CDH12: variants seen among roughly 807,000 people sequenced by gnomAD.
CDH12 encodes cadherin 12, also known as cadherin-12.
A neutral mutation model predicts 74.1 loss-of-function variants in CDH12; 41 were observed. The observed-to-expected ratio is 0.55, with a 90% confidence interval of 0.43 to 0.72. The LOEUF is 0.72. Among genes scored for constraint, CDH12 ranks in the 30% least tolerant of loss-of-function variants. The probability of loss-of-function intolerance (pLI) is 0.00; values close to 1 mark genes in which losing one functional copy is unlikely to be tolerated. For synonymous variants in CDH12, 399 were observed against 355.0 expected, an observed-to-expected ratio of 1.12 and a Z score of -1.39; for missense variants, 945 against 977.2, an observed-to-expected ratio of 0.97 and a Z score of 0.44.
At chr5:22,346,913 A>C (rs1357980517) in intron 3 of CDH12, among the ~76,000 whole-genome samples, 2 of 152,202 alleles carry the variant, frequency 1.3e-5, no homozygotes, top group Non-Finnish European at 2.9e-5. Flanking sequence ...AAAAACCTAG[A>C]AGTGTTGAAG....
intron 5 of CDH12, among the ~76,000 whole-genome samples, chr5:22,048,317 A>G (rs1179822841): frequency 6.6e-6 from 1 of 152,198 alleles, no homozygotes; most frequent in African/African-American, 2.4e-5. Flanking sequence ...TTCAAAAGAA[A>G]TTGAGATAGA....
chr5:22,177,068 A>G (rs1414681742), intron 4 of CDH12, among the ~76,000 whole-genome samples: 1 of 152,138 alleles, frequency 6.6e-6, no homozygotes, highest in African/African-American at 2.4e-5. Flanking sequence ...CTGACATAAT[A>G]CGTATTTGTT....
chr5:21,891,612 C>T (rs1476366592), intron 6 of CDH12, among the ~76,000 whole-genome samples: 1 of 150,564 alleles, frequency 6.6e-6, no homozygotes, highest in South Asian at 2.1e-4. Context: ...CTCTTTCTGG[C>T]AATGTTTCTT....
intron 3 of CDH12, among the ~76,000 whole-genome samples, chr5:22,343,323 C>CACAGAGAGAGAG (rs1378956871): frequency 2.2e-5 from 3 of 136,260 alleles, no homozygotes; most frequent in African/African-American, 8.7e-5. Flanking sequence ...GACACACACA[C>CACAGAGAGAGAG]AGAGAGAGAG....
intron 1 of CDH12, among the ~76,000 whole-genome samples, chr5:22,710,125 T>C (rs1200309089): frequency 1.3e-5 from 2 of 152,190 alleles, no homozygotes; most frequent in Non-Finnish European, 2.9e-5. Context: ...CTATTTCCTA[T>C]AATTTATATT....
intron 1 of CDH12, among the ~76,000 whole-genome samples, chr5:22,578,377 T>TTG (rs1275892144): frequency 3.9e-5 from 5 of 126,922 alleles, no homozygotes; most frequent in African/African-American, 1.2e-4. Flanking sequence ...TAAACCAAGT[T>TTG]TGTGTGTGTG....
chr5:22,602,290 G>C (rs932715113), intron 1 of CDH12, among the ~76,000 whole-genome samples: 1 of 152,112 alleles, frequency 6.6e-6, no homozygotes, highest in African/African-American at 2.4e-5. Flanking sequence ...CCAAGTGACA[G>C]ACTCAGTGTT....
chr5:22,646,179 T>G (rs1331523693), intron 1 of CDH12, among the ~76,000 whole-genome samples: 1 of 151,994 alleles, frequency 6.6e-6, no homozygotes, highest in African/African-American at 2.4e-5. Flanking sequence ...GACTCATTGA[T>G]AATAAGAAAA....
chr5:22,585,176 G>A (rs989084424), intron 1 of CDH12, among the ~76,000 whole-genome samples: 5 of 152,054 alleles, frequency 3.3e-5, no homozygotes, highest in Admixed American at 6.5e-5. Flanking sequence ...TGACATGTAC[G>A]GAATTCTACA....
intron 5 of CDH12, among the ~76,000 whole-genome samples, chr5:22,035,199 T>A (rs1739087223): frequency 6.6e-6 from 1 of 152,174 alleles, no homozygotes; most frequent in South Asian, 2.1e-4. Context: ...AGTGTCTGGG[T>A]CTTCTGGAAA....
chr5:22,000,042 G>T (rs1482966187), intron 5 of CDH12, among the ~76,000 whole-genome samples: 1 of 151,892 alleles, frequency 6.6e-6, no homozygotes, highest in Non-Finnish European at 1.5e-5. Context: ...TGTTTGAGCC[G>T]ATCTGCTCAT....
chr5:21,760,627 G>T lies in CDH12; in HGVS notation c.1564C>A (p.Gln522Lys), dbSNP rs776875544. 1.9e-5 allele frequency: 31 copies of T among 1,611,802 alleles called. No individual in the cohort carries two copies. The highest frequency in any genetic ancestry group is 2.2e-5 in the South Asian group (2 of 90,960). The change falls in exon 13 of 15, where the codon CAA (glutamine) becomes AAA (lysine). Residue 522 changes from glutamine to lysine, a missense_variant. Physicochemically the swap from Gln to Lys is moderately conservative, Grantham distance 53. Around this residue, in one of 3 missense-constraint regions of CDH12, gnomAD observed 791 missense variants for 792.8 expected, o/e 1.00. Coordinates refer to ENST00000382254, the MANE Select transcript of CDH12 (RefSeq NM_004061.5). Reference sequence around the variant, plus strand: ...GGTGATAATCTAAAGGAGAATTGTTGCCCAGCAGGTGAAAGATCTCGGTCT... The same window carrying T: ...GGTGATAATCTAAAGGAGAATTGTTTCCCAGCAGGTGAAAGATCTCGGTCT... The part of the protein sequence containing the change: ...AADRDLSPAG[Q>K]QFSFRLSPEA...
chr5:22,006,502 C>T (rs945101342), intron 5 of CDH12, among the ~76,000 whole-genome samples: 12 of 151,850 alleles, frequency 7.9e-5, no homozygotes, highest in Admixed American at 1.3e-4. Context: ...GTGTAAATAA[C>T]AAGAACTTGA....
At chr5:22,395,653 G>A (rs982065905) in intron 3 of CDH12, among the ~76,000 whole-genome samples, 2 of 151,988 alleles carry the variant, frequency 1.3e-5, no homozygotes, top group African/African-American at 4.8e-5. Context: ...ATATATCTAA[G>A]CAGAAATGTC....
At chr5:22,651,145 T>G (rs959831715) in intron 1 of CDH12, among the ~76,000 whole-genome samples, 1 of 152,084 alleles carries the variant, frequency 6.6e-6, no homozygotes, top group African/African-American at 2.4e-5. Context: ...ACAGCCAGCT[T>G]GCCTGTTTGA....
intron 1 of CDH12, among the ~76,000 whole-genome samples, chr5:22,795,714 C>A (rs1748165123): frequency 6.6e-6 from 1 of 151,482 alleles, no homozygotes; most frequent in African/African-American, 2.4e-5. Flanking sequence ...TGGTAACTAG[C>A]AAGAGCAGAC....
At chr5:22,110,094 G>A (rs959541046) in intron 4 of CDH12, among the ~76,000 whole-genome samples, 1 of 152,148 alleles carries the variant, frequency 6.6e-6, no homozygotes, top group African/African-American at 2.4e-5. Flanking sequence ...TCAATCTCCT[G>A]TCCTTCATAA....
chr5:22,711,942 T>C (rs1395287923), intron 1 of CDH12, among the ~76,000 whole-genome samples: 1 of 152,056 alleles, frequency 6.6e-6, no homozygotes, highest in Non-Finnish European at 1.5e-5. Context: ...AAGCTACCCT[T>C]TAAGGTCCAC....
At chr5:22,644,050 A>G (rs1739306405) in intron 1 of CDH12, among the ~76,000 whole-genome samples, 1 of 152,018 alleles carries the variant, frequency 6.6e-6, no homozygotes. Context: ...ACCACAAGCC[A>G]TTCCCTGTCC....
Sources: allele counts gnomAD v4.1 joint callset (sites outside exome capture counted in the v4.1 genomes callset), GRCh38; gene constraint gnomAD v4.1.1; regional missense constraint gnomAD v4.1.1; transcripts MANE v1.5; gene names NCBI Gene and HGNC (gene_info 2026-07-23, HGNC 2026-07-21).